Variants in NCOA1 observed in about 807,000 individuals in gnomAD.
NCOA1 encodes nuclear receptor coactivator 1.
Under a neutral mutation model 150.9 loss-of-function variants are expected in NCOA1, and 35 were observed. That is an observed-to-expected ratio of 0.23 (90% CI 0.18 to 0.31). The LOEUF is 0.31. NCOA1 is among the 10% of genes least tolerant of loss of function. The pLI is 1.00. For synonymous variants in NCOA1, 590 were observed against 630.0 expected (o/e 0.94, Z 0.95); for missense variants, 1,491 against 1,749.3 (o/e 0.85, Z 2.63).
intron 8 of NCOA1, among the ~76,000 whole-genome samples, chr2:24,688,115 A>G (rs1672492431): frequency 6.6e-6 from 1 of 152,078 alleles, no homozygotes; most frequent in African/African-American, 2.4e-5. Flanking sequence ...ATAGTATTCC[A>G]TGGTGTGTAT....
At chr2:24,502,654 A>G (rs1663513954) in intron 1 of NCOA1, among the ~76,000 whole-genome samples, 1 of 152,160 alleles carries the variant, frequency 6.6e-6, no homozygotes, top group African/African-American at 2.4e-5. Flanking sequence ...AGTCTGCCCC[A>G]GTAAATTGTG....
chr2:24,685,264 T>C (rs1288716114), intron 8 of NCOA1, among the ~76,000 whole-genome samples: 2 of 152,184 alleles, frequency 1.3e-5, no homozygotes, highest in Non-Finnish European at 2.9e-5. Flanking sequence ...TTTCAGTGTC[T>C]AAAATCTGTA....
intron 4 of NCOA1, among the ~76,000 whole-genome samples, chr2:24,645,715 A>T (rs148125399): frequency 6.6e-6 from 1 of 152,138 alleles, no homozygotes; most frequent in Non-Finnish European, 1.5e-5. Context: ...CTGAAATCCT[A>T]TATGCTCCCG....
At chr2:24,665,653 TAAAG>T (rs985095365) in intron 5 of NCOA1, 92 bp from the exon 6 acceptor site, 2 of 990,560 alleles carry the variant, frequency 2.0e-6, no homozygotes, top group African/African-American at 3.3e-5. Context: ...TCGATAAAAA[TAAAG>T]ATCTCACTAA....
At chr2:24,737,016 G>A (rs1286123917) in intron 17 of NCOA1, among the ~76,000 whole-genome samples, 3 of 152,088 alleles carry the variant, frequency 2.0e-5, no homozygotes, top group Admixed American at 1.3e-4. Flanking sequence ...TTAGGAATGG[G>A]TTTGCCCTCT....
At chr2:24,654,193 T>C (rs1670825979) in intron 4 of NCOA1, among the ~76,000 whole-genome samples, 1 of 152,200 alleles carries the variant, frequency 6.6e-6, no homozygotes, top group Non-Finnish European at 1.5e-5. Context: ...AAAACCATGT[T>C]GGTCTTTTGA....
intron 19 of NCOA1, among the ~76,000 whole-genome samples, chr2:24,742,970 C>T (rs1285927566): frequency 6.6e-6 from 1 of 152,188 alleles, no homozygotes; most frequent in Non-Finnish European, 1.5e-5. Flanking sequence ...TTTCTGGCTT[C>T]CAAAAGCTTT....
In NCOA1 at chr2:24,766,055, C is replaced by G. The variant is rs544697232; in HGVS notation, c.4156-2166C>G. 1.7e-4 allele frequency among the ~76,000 whole-genome samples: 26 copies of G among 152,138 alleles called. No individual in the cohort carries two copies. The South Asian group carries it at 1.9e-3, about 11-fold the overall frequency. ...AGCTAGAATGACAGGCGTGTGCCACCACACCCAGCTAATTTTTTTATTTTT... is the reference window on the plus strand; with the variant it reads ...AGCTAGAATGACAGGCGTGTGCCACGACACCCAGCTAATTTTTTTATTTTT... On this transcript the variant is annotated intron_variant, in intron 22 of 22. Transcript: ENST00000348332.
chr2:24,749,201 A>G (rs543306996), intron 19 of NCOA1, among the ~76,000 whole-genome samples: 19 of 152,346 alleles, frequency 1.2e-4, no homozygotes, highest in Admixed American at 6.5e-4. Flanking sequence ...AGTACATTCA[A>G]CAGTAGTTCT....
At chr2:24,544,093 G>A (rs1665506908) in intron 1 of NCOA1, among the ~76,000 whole-genome samples, 1 of 152,100 alleles carries the variant, frequency 6.6e-6, no homozygotes, top group African/African-American at 2.4e-5. Flanking sequence ...GGCTTTGGTG[G>A]TTAGTTACTA....
At chr2:24,578,910 T>G (rs1667093136) in intron 2 of NCOA1, among the ~76,000 whole-genome samples, 1 of 152,228 alleles carries the variant, frequency 6.6e-6, no homozygotes, top group African/African-American at 2.4e-5. Flanking sequence ...TATGCAAAAG[T>G]AATACCTGAA....
Position 24,507,161 on chromosome 2 carries a change from G to C in NCOA1, c.-396+15559G>C, listed in dbSNP as rs938620324. On this transcript the variant is annotated intron_variant, in intron 1 of 22. Coordinates refer to ENST00000348332, the MANE Select transcript of NCOA1 (RefSeq NM_003743.5). ...ATACTGTCTTTAGCTGGAAGCAAAT[G>C]CTTATATCCAAAGGGAGACAGCTTT... Among the ~76,000 whole-genome samples the C allele has an allele frequency of 9.2e-5, 14 of 152,302 alleles. No homozygotes were observed. The East Asian group carries it at 2.7e-3, about 29-fold the overall frequency.
intron 1 of NCOA1, among the ~76,000 whole-genome samples, chr2:24,523,607 A>AAAAAAAAG (rs1664519200): frequency 9.6e-6 from 1 of 103,716 alleles, no homozygotes; most frequent in Non-Finnish European, 1.8e-5. Context: ...CTCCGTCTCA[A>AAAAAAAAG]AAAAAAAAAA....
At chr2:24,741,137 CTTT>C (rs975617113) in intron 18 of NCOA1, among the ~76,000 whole-genome samples, 1 of 151,650 alleles carries the variant, frequency 6.6e-6, no homozygotes, top group African/African-American at 2.4e-5. Flanking sequence ...CAGAATCTTC[CTTT>C]TTTAATGGTA....
chr2:24,537,809 A>G (rs1235015159), intron 1 of NCOA1, among the ~76,000 whole-genome samples: 3 of 151,028 alleles, frequency 2.0e-5, no homozygotes, highest in Admixed American at 6.6e-5. Flanking sequence ...CTATCTATCT[A>G]TATATATCTC....
intron 1 of NCOA1, among the ~76,000 whole-genome samples, chr2:24,551,481 T>C (rs976103644): frequency 5.3e-5 from 8 of 152,212 alleles, no homozygotes; most frequent in African/African-American, 1.9e-4. Flanking sequence ...TATTTTTTTT[T>C]CTTTTATCGT....
At chr2:24,700,374 A>C (rs1027054072) in intron 11 of NCOA1, among the ~76,000 whole-genome samples, 1 of 152,054 alleles carries the variant, frequency 6.6e-6, no homozygotes, top group East Asian at 1.9e-4. Context: ...TTTGTCCTCC[A>C]TCTGTTTTCT....
chr2:24,546,574 T>C (rs978801440), intron 1 of NCOA1, among the ~76,000 whole-genome samples: 4 of 152,228 alleles, frequency 2.6e-5, no homozygotes, highest in African/African-American at 4.8e-5. Flanking sequence ...AATGAAAACT[T>C]ATAACCTGGA....
chr2:24,753,604 T>C (rs1033323752), intron 20 of NCOA1, among the ~76,000 whole-genome samples: 2 of 152,210 alleles, frequency 1.3e-5, no homozygotes, highest in Admixed American at 6.5e-5. Context: ...ATTTGAGCAT[T>C]TATTCTTTCT....
Sources: allele counts gnomAD v4.1 joint callset (sites outside exome capture counted in the v4.1 genomes callset), GRCh38; gene constraint gnomAD v4.1.1; transcripts MANE v1.5; gene names NCBI Gene and HGNC (gene_info 2026-07-23, HGNC 2026-07-21).